Variants in EFNA4 observed in about 807,000 individuals in gnomAD.
EFNA4 encodes the protein ephrin-A4.
A neutral mutation model predicts 23.7 loss-of-function variants in EFNA4; 22 were observed. The ratio of observed to expected loss-of-function variants is 0.93; its 90% CI spans 0.66 to 1.32. EFNA4 has a LOEUF of 1.32. Among genes scored for constraint, EFNA4 ranks in the 40% most tolerant of loss-of-function variants. The probability of loss-of-function intolerance (pLI) is 0.00; values close to 1 mark genes in which losing one functional copy is unlikely to be tolerated. For missense variants in EFNA4, 252 were observed against 252.3 expected (o/e 1.00, Z 0.01); for synonymous variants, 113 against 108.3 (o/e 1.04, Z -0.27).
Position 155,068,930 on chromosome 1 carries a change from C to A in EFNA4, c.547C>A (p.Pro183Thr), listed in dbSNP as rs757001752. The change falls in exon 4 of 4, where the codon CCC (proline) becomes ACC (threonine). Residue 183 changes from proline to threonine, a missense_variant. Coordinates refer to ENST00000368409, the MANE Select transcript of EFNA4 (RefSeq NM_005227.3). ...SGWRGGDTPSPLCLLLLLLLL... is the reference protein window; with the variant it reads ...SGWRGGDTPSTLCLLLLLLLL... ...GTGGCGAGGGGGGGACACTCCCAGC[C>A]CCCTCTGTCTCTTGCTATTACTGCT... 1 of 1,614,032 alleles carries A rather than the reference C, an allele frequency of 6.2e-7. No homozygotes were observed. Among genetic ancestry groups the A allele is most frequent in the Non-Finnish European group, 8.5e-7 (1 of 1,179,982 alleles).
intron 1 of EFNA4, among the ~76,000 whole-genome samples, chr1:155,066,304 A>G (rs1276672429): frequency 6.6e-6 from 1 of 152,160 alleles, no homozygotes; most frequent in Non-Finnish European, 1.5e-5. Context: ...CTGCAGCTGC[A>G]CTGTGTGCAA....
chr1:155,069,268 A>T lies in EFNA4; in HGVS notation c.*279A>T. ...CTCTGAGGGTCTCAGCCCATCCCCC[A>T]GGAGGACTGGGATTTGGTATGATCA... On this transcript the variant is annotated 3_prime_UTR_variant, in exon 4 of 4. Coordinates refer to ENST00000368409, the MANE Select transcript of EFNA4 (RefSeq NM_005227.3). 1 of 1,381,068 alleles carries T rather than the reference A, an allele frequency of 7.2e-7. No individual in the cohort carries two copies. Among genetic ancestry groups the T allele is most frequent in the Non-Finnish European group, 9.6e-7 (1 of 1,036,636 alleles). The allele number at this position is 1,381,068 out of a possible 1,614,324, so 85.6% of individuals were successfully genotyped here.
Position 155,063,781 on chromosome 1 carries a change from G to C in EFNA4, c.-43G>C, listed in dbSNP as rs1365659493. ...CCTTTCTCTCCTCGACTGTGAAGCG[G>C]GCCGGGACCTGCCAGGCCAGACCAA... On this transcript the variant is annotated 5_prime_UTR_variant, in exon 1 of 4. Transcript: ENST00000368409. The surrounding 1 kb of genome is among the most constrained non-coding windows in gnomAD (Gnocchi z 4.1). 11 of 1,473,892 alleles carry C rather than the reference G, an allele frequency of 7.5e-6. No homozygotes were observed. The allele number at this position is 1,473,892 out of a possible 1,614,324, so 91.3% of individuals were successfully genotyped here.
chr1:155,066,783 T>C lies in EFNA4; in HGVS notation c.167T>C (p.Ile56Thr), dbSNP rs1215432400. The change falls in exon 2 of 4, where the codon ATT (isoleucine) becomes ACT (threonine). Residue 56 changes from isoleucine (I) to threonine (T), a missense_variant. Ile to Thr is a moderately conservative substitution (Grantham distance 89). Transcript: ENST00000368409. ...VELGLNDYLD[I>T]VCPHYEGPGP... is the part of the protein sequence containing the mutation. The stretch of plus-strand genomic sequence containing the variant: ...CTGGGCCTCAACGATTACCTAGACA[T>C]TGTCTGCCCCCACTACGAAGGCCCA... 2 of 1,610,390 alleles carry C rather than the reference T, an allele frequency of 1.2e-6. No homozygotes were observed. Among genetic ancestry groups the C allele is most frequent in the African/African-American group, 2.7e-5 (2 of 74,494 alleles).
At chr1:155,067,685 G>A (rs1423561176) in intron 3 of EFNA4, among the ~76,000 whole-genome samples, 1 of 151,948 alleles carries the variant, frequency 6.6e-6, no homozygotes, top group East Asian at 1.9e-4. Context: ...GCAGTGGCTC[G>A]ATCTCAGCTC....
chr1:155,066,438 G>A (rs1171522698), intron 1 of EFNA4, among the ~76,000 whole-genome samples: 2 of 152,232 alleles, frequency 1.3e-5, no homozygotes, highest in African/African-American at 4.8e-5. Context: ...GGCAGCTCCA[G>A]CCTGTAGGAC....
rs1297790390 is a variant in EFNA4 at position 155,065,532 on chromosome 1, T to C, written c.114-1198T>C. On this transcript the variant is annotated intron_variant, in intron 1 of 3. Coordinates refer to ENST00000368409, the MANE Select transcript of EFNA4 (RefSeq NM_005227.3). ...TAGCACCCACTCCCTCATTCTTTTT[T>C]TTTTTTTTTTTTTAATTTTTAGAAT... 2.7e-5 allele frequency among the ~76,000 whole-genome samples: 4 copies of C among 150,686 alleles called. No individual in the cohort carries two copies. The East Asian group carries it at 7.7e-4, about 29-fold the overall frequency.
Position 155,069,180 on chromosome 1 carries a change from G to A in EFNA4, c.*191G>A. 1 of 1,600,932 alleles carries A rather than the reference G, an allele frequency of 6.2e-7. No individual in the cohort carries two copies. The highest frequency in any genetic ancestry group is 1.1e-5 in the South Asian group (1 of 89,384). ...TCCCCTCATCACAGGCTAAAGAAGA[G>A]CAGTAGACAGCCCTGGACACTCTGA... On this transcript the variant is annotated 3_prime_UTR_variant, in exon 4 of 4. Transcript: ENST00000368409.
chr1:155,063,841 G>A lies in EFNA4; in HGVS notation c.18G>A (p.Leu6=). Residue 6 remains leucine, a synonymous_variant, in exon 1 of 4, where the codon CTG becomes CTA. Transcript: ENST00000368409. The surrounding 1 kb of genome is among the most constrained non-coding windows in gnomAD (Gnocchi z 4.1). ...CGGGGGCGATGCGGCTGCTGCCCCT[G>A]CTGCGGACTGTCCTCTGGGCCGCGT... MRLLP[L]LRTVLWAAFL... 1 of 1,544,162 alleles carries A rather than the reference G, an allele frequency of 6.5e-7. No homozygotes were observed. The highest frequency in any genetic ancestry group is 2.5e-5 in the East Asian group (1 of 39,600).
chr1:155,067,508 A>C (rs1663081300), intron 3 of EFNA4, 68 bp downstream of exon 3: 2 of 1,568,830 alleles, frequency 1.3e-6, no homozygotes, highest in African/African-American at 2.7e-5. Flanking sequence ...AAGGAGTGAG[A>C]AGAATCTAGG....
chr1:155,066,269 C>G (rs1260816013), intron 1 of EFNA4, among the ~76,000 whole-genome samples: 2 of 152,170 alleles, frequency 1.3e-5, no homozygotes, highest in Non-Finnish European at 2.9e-5. Flanking sequence ...GAGACCTTTC[C>G]CAACCCCTGT....
Position 155,065,526 on chromosome 1 carries a change from C to CTT in EFNA4, c.114-1186_114-1185dup, listed in dbSNP as rs71586050. ...GGCACCTAGCACCCACTCCCTCATTCTTTTTTTTTTTTTTTTTTTAATTTT... is the reference window on the plus strand; with the variant it reads ...GGCACCTAGCACCCACTCCCTCATTCTTTTTTTTTTTTTTTTTTTTTAATTTT... On this transcript the variant is annotated intron_variant, in intron 1 of 3. Transcript: ENST00000368409. 8.0e-3 allele frequency among the ~76,000 whole-genome samples: 1,053 copies of CTT among 131,546 alleles called. 13 individuals are homozygous for CTT. The highest frequency in any genetic ancestry group is 0.028 in the African/African-American group (1,012 of 35,796). The allele number at this position is 131,546 out of a possible 152,430, so 86.3% of individuals were successfully genotyped here.
chr1:155,067,722 C>T lies in EFNA4; in HGVS notation c.469+282C>T, dbSNP rs867158213. ...CTGCAAGCTCCGCCTCTCTGGTTCACGCCATTCTCCTGCCTCAGCCTCCGG... is the reference window on the plus strand; with the variant it reads ...CTGCAAGCTCCGCCTCTCTGGTTCATGCCATTCTCCTGCCTCAGCCTCCGG... On this transcript the variant is annotated intron_variant, in intron 3 of 3. Transcript: ENST00000368409. 4.0e-5 allele frequency among the ~76,000 whole-genome samples: 6 copies of T among 150,966 alleles called. No individual in the cohort carries two copies. The South Asian group carries it at 1.1e-3, about 26-fold the overall frequency.
intron 3 of EFNA4, among the ~76,000 whole-genome samples, chr1:155,068,442 T>TTTTTTTTTTG (rs1663103814): frequency 7.8e-6 from 1 of 127,620 alleles, no homozygotes; most frequent in Non-Finnish European, 1.7e-5. Flanking sequence ...TTTTTTTTTT[T>TTTTTTTTTTG]TTTTTTTTTT....
chr1:155,069,065 T>C lies in EFNA4; in HGVS notation c.*76T>C, dbSNP rs1455615031. 6.2e-7 allele frequency: 1 copy of C among 1,612,144 alleles called. No individual in the cohort carries two copies. The highest frequency in any genetic ancestry group is 8.5e-7 in the Non-Finnish European group (1 of 1,179,256). On this transcript the variant is annotated 3_prime_UTR_variant, in exon 4 of 4. Coordinates refer to ENST00000368409, the MANE Select transcript of EFNA4 (RefSeq NM_005227.3). Reference sequence around the variant, plus strand: ...CCCCTGGAGGAGGAGGGATCCCTGCTGCCTGCACTGGGGGTGCCAATTCAG... The same window carrying C: ...CCCCTGGAGGAGGAGGGATCCCTGCCGCCTGCACTGGGGGTGCCAATTCAG...
At chr1:155,064,989 C>CT (rs369823300) in intron 1 of EFNA4, among the ~76,000 whole-genome samples, 8 of 152,208 alleles carry the variant, frequency 5.3e-5, no homozygotes, top group African/African-American at 1.7e-4. Context: ...TCTGAATTCT[C>CT]TATCTCTGTC....
In EFNA4 at chr1:155,068,875, T is replaced by G. The variant is rs1377253307; in HGVS notation, c.492T>G (p.Val164=). ...KERKSESAHP[V]GSPGESGTSG... ...CAGAGTCTGAGTCAGCCCATCCTGT[T>G]GGGAGCCCTGGAGAGAGTGGCACAT... The change falls in exon 4 of 4, where the codon GTT becomes GTG. Residue 164 remains valine, a synonymous_variant. Coordinates refer to ENST00000368409, the MANE Select transcript of EFNA4 (RefSeq NM_005227.3). The G allele has an allele frequency of 6.2e-7, 1 of 1,613,484 alleles. No homozygotes were observed. The highest frequency in any genetic ancestry group is 1.1e-5 in the South Asian group (1 of 90,968).
intron 1 of EFNA4, among the ~76,000 whole-genome samples, chr1:155,064,318 T>A (rs1217677221): frequency 1.3e-5 from 2 of 152,228 alleles, no homozygotes; most frequent in African/African-American, 4.8e-5. Context: ...TTTACTCTTA[T>A]GAAAGAGCGT....
rs1051079881 is a variant in EFNA4 at position 155,063,782 on chromosome 1, G to C, written c.-42G>C. 2 of 1,475,774 alleles carry C rather than the reference G, an allele frequency of 1.4e-6. No homozygotes were observed. The highest frequency in any genetic ancestry group is 1.7e-4 in the Middle Eastern group (1 of 5,814). 91.4% of individuals were successfully genotyped at this position (1,475,774 alleles called of 1,614,324 possible). A position where few individuals can be genotyped will look rare whatever the true frequency, so the allele number is the denominator to read the frequency against. On this transcript the variant is annotated 5_prime_UTR_variant, in exon 1 of 4. Transcript: ENST00000368409. This position sits in a 1 kb window ranked among gnomAD's most constrained non-coding sequence, Gnocchi z 4.1. Reference sequence around the variant, plus strand: ...CTTTCTCTCCTCGACTGTGAAGCGGGCCGGGACCTGCCAGGCCAGACCAAA... The same window carrying C: ...CTTTCTCTCCTCGACTGTGAAGCGGCCCGGGACCTGCCAGGCCAGACCAAA...
Sources: allele counts gnomAD v4.1 joint callset (sites outside exome capture counted in the v4.1 genomes callset), GRCh38; gene constraint gnomAD v4.1.1; non-coding constraint Gnocchi (gnomAD v3.1); transcripts MANE v1.5; gene names NCBI Gene and HGNC (gene_info 2026-07-23, HGNC 2026-07-21).